Variants in TIAM1 observed in about 807,000 individuals in gnomAD.
TIAM1 encodes TIAM Rac1 associated GEF 1, also known as rho guanine nucleotide exchange factor TIAM1.
Under a neutral mutation model 163.5 loss-of-function variants are expected in TIAM1, and 65 were observed. That is an observed-to-expected ratio of 0.40 (90% confidence interval 0.33 to 0.49). TIAM1 has a LOEUF of 0.49. Ranked by LOEUF, TIAM1 falls within the 20% of genes least tolerant of loss-of-function variation. The pLI is 0.77. For synonymous variants in TIAM1, 833 were observed against 810.1 expected, an observed-to-expected ratio of 1.03 and a Z score of -0.48; for missense variants, 1,789 against 2,044.7, an observed-to-expected ratio of 0.87 and a Z score of 2.41.
intron 1 of TIAM1, among the ~76,000 whole-genome samples, chr21:31,557,874 G>A (rs1156894208): frequency 2.6e-5 from 4 of 152,264 alleles, no homozygotes; most frequent in Admixed American, 6.5e-5. Context: ...CGCCCCGAGG[G>A]CCGCCAGCCT....
rs941985316 is a variant in TIAM1, at chr21:31,245,396, A to T, written c.1584+92T>A. The T allele has an allele frequency of 2.7e-5, 22 of 822,828 alleles. No individual in the cohort carries two copies. The African/African-American group carries it at 3.2e-4, about 12-fold the overall frequency. The allele number at this position is 822,828 out of a possible 1,614,324, so 51.0% of individuals were successfully genotyped here. A position where few individuals can be genotyped will look rare whatever the true frequency, so the allele number is the denominator to read the frequency against. On this transcript the variant is annotated intron_variant, in intron 6 of 27. Transcript: ENST00000541036. ...CTAAAAAAAAAAAAAAAAAAAAAAA[A>T]AGCAGTGGAGGGAGACTGGGTGCCT...
intron 2 of TIAM1, among the ~76,000 whole-genome samples, chr21:31,460,371 A>G (rs2045278095): frequency 6.6e-6 from 1 of 152,222 alleles, no homozygotes; most frequent in Admixed American, 6.5e-5. Flanking sequence ...TCACACCTGT[A>G]ATCCCAGCAC....
chr21:31,516,107 C>CA (rs1345174912), intron 1 of TIAM1, among the ~76,000 whole-genome samples: 5,089 of 64,180 alleles, frequency 0.079, 406 homozygotes, highest in African/African-American at 0.22. Context: ...GACTCCATCT[C>CA]AAAAAAAAAA....
intron 9 of TIAM1, among the ~76,000 whole-genome samples, chr21:31,215,518 G>A (rs1358954169): frequency 1.4e-5 from 2 of 138,714 alleles, no homozygotes; most frequent in Admixed American, 7.9e-5. Context: ...CTGAGATCGC[G>A]CCATTGCACT....
intron 5 of TIAM1, 143 bp from the exon 6 acceptor site, chr21:31,245,803 G>T: frequency 1.3e-6 from 1 of 782,870 alleles, no homozygotes; most frequent in Non-Finnish European, 1.7e-6. Context: ...ATGGAGCCAG[G>T]CTTGGACTCA....
Position 31,132,450 on chromosome 21 carries a change from A to T in TIAM1, c.3884-1502T>A, listed in dbSNP as rs1376586095. Among the ~76,000 whole-genome samples the T allele has an allele frequency of 2.6e-5, 4 of 152,198 alleles. No individual in the cohort carries two copies. The East Asian group carries it at 5.8e-4, about 22-fold the overall frequency. On this transcript the variant is annotated intron_variant, in intron 23 of 27. Transcript: ENST00000541036. ...GGAGGCCACACCAGCTCTTCACAGC[A>T]GCTGAGCACAAGCAACCTGAGAAGG...
intron 16 of TIAM1, among the ~76,000 whole-genome samples, chr21:31,164,307 G>A (rs966226242): frequency 5.9e-5 from 9 of 151,534 alleles, no homozygotes; most frequent in Non-Finnish European, 1.2e-4. Flanking sequence ...GAAGAATGGC[G>A]TGAACCCGGG....
chr21:31,274,061 C>T (rs886300932), intron 3 of TIAM1, among the ~76,000 whole-genome samples: 4 of 152,136 alleles, frequency 2.6e-5, no homozygotes, highest in Non-Finnish European at 5.9e-5. Flanking sequence ...TACAAAAATA[C>T]AAAAATTAGC....
chr21:31,210,579 AAAGAAAGAAAG>A (rs2086690203), intron 10 of TIAM1, among the ~76,000 whole-genome samples: 1 of 123,108 alleles, frequency 8.1e-6, no homozygotes, highest in South Asian at 2.5e-4. Flanking sequence ...AGAAAGAAAG[AAAGAAAGAAAG>A]AAAGAGAGAA....
chr21:31,350,343 TA>T lies in TIAM1; in HGVS notation c.-368-10922del, dbSNP rs568106981. On this transcript the variant is annotated intron_variant, in intron 2 of 28. Transcript: ENST00000286827. ...TACTAAGATACAGTAACTGTCACTT[TA>T]AAATTTTGGGGGGCCAAAACATACT... Among the ~76,000 whole-genome samples the T allele has an allele frequency of 2.4e-3, 368 of 152,304 alleles. 4 individuals are homozygous for T. The highest frequency in any genetic ancestry group is 0.023 in the South Asian group (109 of 4,824).
chr21:31,411,111 C>T (rs936072957), intron 2 of TIAM1, among the ~76,000 whole-genome samples: 3 of 152,062 alleles, frequency 2.0e-5, no homozygotes, highest in African/African-American at 4.8e-5. Context: ...AGCACCCCCA[C>T]CCCCATGATC....
chr21:31,442,310 G>A (rs961099301), intron 2 of TIAM1, among the ~76,000 whole-genome samples: 3 of 144,092 alleles, frequency 2.1e-5, no homozygotes, highest in African/African-American at 7.7e-5. Context: ...TTGGCTCGCT[G>A]CAACCTCCAC....
At chr21:31,123,062 C>T (rs1371992541) in intron 27 of TIAM1, among the ~76,000 whole-genome samples, 2 of 152,236 alleles carry the variant, frequency 1.3e-5, no homozygotes, top group East Asian at 1.9e-4. Flanking sequence ...CAGGCTATGA[C>T]ATCAAGGCTT....
intron 1 of TIAM1, among the ~76,000 whole-genome samples, chr21:31,530,722 A>G (rs957735931): frequency 1.3e-5 from 2 of 152,150 alleles, no homozygotes; most frequent in Admixed American, 6.5e-5. Flanking sequence ...CGCACTTCGC[A>G]TCCCCAGAAC....
chr21:31,448,945 T>A (rs906118672), intron 2 of TIAM1, among the ~76,000 whole-genome samples: 16 of 152,094 alleles, frequency 1.1e-4, no homozygotes, highest in Admixed American at 9.8e-4. Context: ...AATATAACAG[T>A]GCCCACCTGC....
Position 31,453,142 on chromosome 21 carries a change from T to C in TIAM1, c.-369+10841A>G, listed in dbSNP as rs1375434370. The C allele has an allele frequency of 1.6e-4, 49 of 299,520 alleles. 1 individual carries two copies. The highest frequency in any genetic ancestry group is 1.5e-4 in the Non-Finnish European group (23 of 150,010). The allele number at this position is 299,520 out of a possible 1,614,324, so 18.6% of individuals were successfully genotyped here. ...ATGAGGATTCTCCTGAAAAAAGTGT[T>C]TGAAGACTGAAAGTGAAAAACACAG... On this transcript the variant is annotated intron_variant, in intron 2 of 28. Coordinates refer to the TIAM1 transcript ENST00000286827.
At chr21:31,474,711 A>G (rs1030527971) in intron 1 of TIAM1, among the ~76,000 whole-genome samples, 3 of 151,644 alleles carry the variant, frequency 2.0e-5, no homozygotes, top group South Asian at 2.1e-4. Context: ...ATGCCCGGCT[A>G]ATTTTGTATT....
chr21:31,277,373 T>C (rs1292967909), intron 2 of TIAM1, among the ~76,000 whole-genome samples: 3 of 152,066 alleles, frequency 2.0e-5, no homozygotes. Flanking sequence ...GGGCTGGGCG[T>C]GGTGGCTCAT....
Position 31,383,856 on chromosome 21 carries a change from G to A in TIAM1, c.-368-44434C>T, listed in dbSNP as rs557750074. 1.3e-3 allele frequency among the ~76,000 whole-genome samples: 205 copies of A among 152,286 alleles called. 1 individual carries two copies. The highest frequency in any genetic ancestry group is 2.0e-3 in the Non-Finnish European group (138 of 68,024). ...ATTTGCTGTGATTTTCCACTTTCCA[G>A]AGTGAAAACCTGGAACGGAAAATGA... On this transcript the variant is annotated intron_variant, in intron 2 of 28. Coordinates refer to the TIAM1 transcript ENST00000286827.
Sources: allele counts gnomAD v4.1 joint callset (sites outside exome capture counted in the v4.1 genomes callset), GRCh38; gene constraint gnomAD v4.1.1; transcripts MANE v1.5; gene names NCBI Gene and HGNC (gene_info 2026-07-23, HGNC 2026-07-21).